TP73: variants seen among roughly 807,000 people sequenced by gnomAD.
TP73 encodes the protein tumor protein p73.
In TP73, 25 loss-of-function variants were observed where a neutral mutation model predicts 62.5. The ratio of observed to expected loss-of-function variants is 0.40; its 90% CI spans 0.29 to 0.56. The LOEUF is 0.56. Ranked by LOEUF, TP73 falls within the 20% of genes least tolerant of loss-of-function variation. The pLI is 0.46. For missense variants in TP73, 754 were observed against 913.3 expected, an observed-to-expected ratio of 0.83 and a Z score of 2.25; for synonymous variants, 423 against 377.5, an observed-to-expected ratio of 1.12 and a Z score of -1.40.
intron 4 of TP73, among the ~76,000 whole-genome samples, chr1:3,716,305 C>A (rs895012525): frequency 6.6e-6 from 1 of 152,220 alleles, no homozygotes; most frequent in Non-Finnish European, 1.5e-5. Context: ...AGCTCTTTCA[C>A]AGCAGCCTCT....
At chr1:3,710,040 C>G (rs554743152) in intron 4 of TP73, among the ~76,000 whole-genome samples, 5 of 152,244 alleles carry the variant, frequency 3.3e-5, no homozygotes, top group African/African-American at 4.8e-5. Context: ...TCCTGCAGGA[C>G]GGGGTGGCCT....
At chr1:3,693,745 A>G (rs1487979865) in intron 3 of TP73, among the ~76,000 whole-genome samples, 1 of 137,518 alleles carries the variant, frequency 7.3e-6, no homozygotes, top group Non-Finnish European at 1.6e-5. Flanking sequence ...CTGCAGCCTC[A>G]GCTCCTCCTC....
rs1642436195 is a variant in TP73, at chr1:3,735,978, C to T, written c.*2899C>T. The T allele has an allele frequency of 6.6e-6, 1 of 152,244 alleles. No individual in the cohort carries two copies. The highest frequency in any genetic ancestry group is 2.4e-5 in the African/African-American group (1 of 41,456). 9.4% of individuals were successfully genotyped at this position (152,244 alleles called of 1,614,324 possible). On this transcript the variant is annotated 3_prime_UTR_variant, in exon 14 of 14. Transcript: ENST00000378295. ...TGTCTCCAACGCACAAACATCCACT[C>T]CTCTGTTACCAGTTAAAGCACTTTA...
Position 3,691,073 on chromosome 1 carries a change from G to A in TP73, c.186+7893G>A, listed in dbSNP as rs533519343. The A allele has an allele frequency of 1.0e-5, 14 of 1,376,422 alleles. No individual in the cohort carries two copies. The East Asian group carries it at 2.5e-4, about 25-fold the overall frequency. 85.3% of individuals were successfully genotyped at this position (1,376,422 alleles called of 1,614,324 possible). A position where few individuals can be genotyped will look rare whatever the true frequency, so the allele number is the denominator to read the frequency against. ...TGGAGTCTGCTGCCAGTTGGGGTGA[G>A]CAGAGGTAGGAAGGGAGGCGTTGAG... On this transcript the variant is annotated intron_variant, in intron 3 of 13. Coordinates refer to ENST00000378295, the MANE Select transcript of TP73 (RefSeq NM_005427.4).
At chr1:3,677,168 G>T (rs550303679) in intron 1 of TP73, among the ~76,000 whole-genome samples, 120 of 152,264 alleles carry the variant, frequency 7.9e-4, no homozygotes, top group Admixed American at 1.5e-3. Flanking sequence ...AGCTGTGGGG[G>T]CCTAATTGCT....
intron 8 of TP73, 29 bp downstream of exon 8, chr1:3,727,799 C>A (rs1178987702): frequency 6.6e-7 from 1 of 1,505,850 alleles, no homozygotes; most frequent in Non-Finnish European, 8.9e-7. Flanking sequence ...GAACTGGACG[C>A]GTGTGGGAGG....
At chr1:3,726,838 T>G (rs1570629927) in intron 6 of TP73, among the ~76,000 whole-genome samples, 1 of 144,838 alleles carries the variant, frequency 6.9e-6, no homozygotes, top group Admixed American at 6.8e-5. Context: ...GATAGATGGG[T>G]GGGTGGATGG....
intron 1 of TP73, among the ~76,000 whole-genome samples, chr1:3,661,479 T>A (rs1431348639): frequency 1.3e-5 from 2 of 152,002 alleles, no homozygotes; most frequent in African/African-American, 4.8e-5. Flanking sequence ...GAGGCTGACA[T>A]GAGCGGATCA....
intron 3 of TP73, among the ~76,000 whole-genome samples, chr1:3,686,679 C>G (rs1645665118): frequency 1.3e-5 from 2 of 152,130 alleles, no homozygotes; most frequent in Non-Finnish European, 2.9e-5. Flanking sequence ...GTGGCCATAG[C>G]AGGAAACAGA....
chr1:3,727,244 G>A lies in TP73; in HGVS notation c.842+20G>A, dbSNP rs1641722069. On this transcript the variant is annotated intron_variant, in intron 7 of 13. Transcript: ENST00000378295. ...GCGGGAGTGAGTCCCGGGCACACGG[G>A]GTGGAGGTGGGACAGGGCTGGGCAG... 7.5e-6 allele frequency: 12 copies of A among 1,606,098 alleles called. No individual in the cohort carries two copies. The highest frequency in any genetic ancestry group is 1.0e-5 in the Non-Finnish European group (12 of 1,175,026).
intron 1 of TP73, among the ~76,000 whole-genome samples, chr1:3,653,293 C>G (rs1045741140): frequency 1.3e-5 from 2 of 152,212 alleles, no homozygotes; most frequent in African/African-American, 2.4e-5. Flanking sequence ...AGAGAAAGCC[C>G]GTGAAGAAAT....
Position 3,733,826 on chromosome 1 carries a change from G to A in TP73, c.*747G>A, listed in dbSNP as rs1642311457. ...CCTGGCCACAGTCGCCTCTCCTCGG[G>A]GACCCCTCAGCAGAAAGGGACAGCC... On this transcript the variant is annotated 3_prime_UTR_variant, in exon 14 of 14. Coordinates refer to ENST00000378295, the MANE Select transcript of TP73 (RefSeq NM_005427.4). 6.6e-6 allele frequency: 1 copy of A among 152,140 alleles called. No homozygotes were observed. The highest frequency in any genetic ancestry group is 1.5e-5 in the Non-Finnish European group (1 of 68,048). 9.4% of individuals were successfully genotyped at this position (152,140 alleles called of 1,614,324 possible).
intron 1 of TP73, among the ~76,000 whole-genome samples, chr1:3,677,480 G>A (rs1055405053): frequency 6.6e-6 from 1 of 152,110 alleles, no homozygotes; most frequent in African/African-American, 2.4e-5. Context: ...TGGCTACAGC[G>A]TAACCAGGAA....
At chr1:3,719,173 C>G (rs1640862585) in intron 4 of TP73, among the ~76,000 whole-genome samples, 1 of 152,112 alleles carries the variant, frequency 6.6e-6, no homozygotes, top group African/African-American at 2.4e-5. Flanking sequence ...TGTGGTTTCC[C>G]TAGGGAGCGG....
chr1:3,729,135 G>A (rs779916925), intron 9 of TP73, among the ~76,000 whole-genome samples, 192 bp from the exon 10 acceptor site: 1 of 152,238 alleles, frequency 6.6e-6, no homozygotes, highest in Admixed American at 6.5e-5. Context: ...TGCCCACTGA[G>A]TCAGGGGCTC....
At chr1:3,687,428 C>T (rs1409292228) in intron 3 of TP73, among the ~76,000 whole-genome samples, 1 of 152,204 alleles carries the variant, frequency 6.6e-6, no homozygotes, top group Admixed American at 6.5e-5. Flanking sequence ...TGCGAGGAGG[C>T]AGTGTGGGTG....
chr1:3,715,904 G>A (rs536181339), intron 4 of TP73, among the ~76,000 whole-genome samples: 53 of 152,258 alleles, frequency 3.5e-4, no homozygotes, highest in Admixed American at 1.2e-3. Flanking sequence ...AGAGGCAGCC[G>A]TGCATGGGAC....
At chr1:3,720,041 G>A (rs962397697) in intron 4 of TP73, among the ~76,000 whole-genome samples, 5 of 151,970 alleles carry the variant, frequency 3.3e-5, no homozygotes, top group African/African-American at 1.2e-4. Context: ...TCCTGCCTCA[G>A]CTTCCTGAGT....
At chr1:3,682,464 C>T in intron 2 of TP73, 34 bp downstream of exon 2, 1 of 1,449,808 alleles carries the variant, frequency 6.9e-7, no homozygotes, top group East Asian at 2.7e-5. Context: ...GCTGGGGGCC[C>T]CCCTGGGAGG....
Sources: gnomAD v4.1 joint callset for allele counts (sites outside exome capture counted in the v4.1 genomes callset) on GRCh38, gnomAD v4.1.1 for gene constraint, MANE v1.5 for transcripts, NCBI Gene and HGNC (gene_info 2026-07-23, HGNC 2026-07-21) for gene names.